CUL1: variants seen among roughly 807,000 people sequenced by gnomAD.
CUL1 encodes cullin 1.
Under a neutral mutation model 118.0 loss-of-function variants are expected in CUL1, and 24 were observed. That is an observed-to-expected ratio of 0.20 (90% CI 0.15 to 0.29). The LOEUF is 0.29. Ranked by LOEUF, CUL1 falls within the 10% of genes least tolerant of loss-of-function variation. The pLI, the probability that CUL1 is intolerant of heterozygous loss-of-function variation, is 1.00. For synonymous variants in CUL1, 332 were observed against 340.4 expected, an observed-to-expected ratio of 0.98 and a Z score of 0.27; for missense variants, 361 against 933.8, an observed-to-expected ratio of 0.39 and a Z score of 7.99.
At chr7:148,747,952 G>A (rs982966959) in intron 2 of CUL1, among the ~76,000 whole-genome samples, 1 of 152,200 alleles carries the variant, frequency 6.6e-6, no homozygotes. Context: ...AGAGCTAGGA[G>A]AAAATAGAAA....
chr7:148,716,840 A>C (rs1798229979), intron 1 of CUL1, among the ~76,000 whole-genome samples: 1 of 152,118 alleles, frequency 6.6e-6, no homozygotes. Context: ...TTTGGGGCTG[A>C]TTTCAAGTCT....
At chr7:148,740,671 A>G (rs1799113792) in intron 2 of CUL1, among the ~76,000 whole-genome samples, 1 of 152,156 alleles carries the variant, frequency 6.6e-6, no homozygotes. Flanking sequence ...CCCCCAGTAT[A>G]TTTGGATGGT....
At chr7:148,750,146 A>G (rs928444097) in intron 2 of CUL1, among the ~76,000 whole-genome samples, 3 of 152,256 alleles carry the variant, frequency 2.0e-5, no homozygotes, top group African/African-American at 7.2e-5. Flanking sequence ...ATCTTTTATA[A>G]CAGTAGTGCA....
At position 148,797,797 on chromosome 7, in the gene CUL1, T is replaced by C. The variant is rs1801257601; in HGVS notation, c.1900-15T>C. 1.2e-6 allele frequency: 2 copies of C among 1,610,622 alleles called. No homozygotes were observed. Among genetic ancestry groups the C allele is most frequent in the African/African-American group, 2.7e-5 (2 of 74,798 alleles). ...CATTTTCCCTTTAACTTCCTCTTTT[T>C]CTCTTTAATTGCAGGACATTTTGGC... On this transcript the variant is annotated splice_polypyrimidine_tract_variant and intron_variant, in intron 17 of 21. Transcript: ENST00000325222.
chr7:148,778,103 A>AAAAAAAAAAAG (rs1563166664), intron 9 of CUL1, among the ~76,000 whole-genome samples: 1 of 147,512 alleles, frequency 6.8e-6, no homozygotes, highest in Non-Finnish European at 1.5e-5. Flanking sequence ...AAAAAGAAGA[A>AAAAAAAAAAAG]GAAGAAGAAT....
chr7:148,787,792 C>G lies in CUL1; in HGVS notation c.1479+672C>G, dbSNP rs1203253180. ...GTTTGCTCTGGGCTTGGTTACTTTG[C>G]TGTCACGCAGCCCTTCCTCTGCCAC... On this transcript the variant is annotated intron_variant, in intron 13 of 21. Transcript: ENST00000325222. This position sits in a 1 kb window ranked among gnomAD's most constrained non-coding sequence, Gnocchi z 5.5. Among the ~76,000 whole-genome samples, 1 of 152,218 alleles carries G rather than the reference C, an allele frequency of 6.6e-6. No homozygotes were observed. Among genetic ancestry groups the G allele is most frequent in the African/African-American group, 2.4e-5 (1 of 41,456 alleles).
In CUL1 at chr7:148,786,592, A is replaced by G. The variant is rs1800822337; in HGVS notation, c.1340A>G (p.Asn447Ser). The G allele has an allele frequency of 1.2e-6, 2 of 1,613,632 alleles. No individual in the cohort carries two copies. Among genetic ancestry groups the G allele is most frequent in the East Asian group, 2.2e-5 (1 of 44,868 alleles). The change falls in exon 12 of 22, where the codon AAT becomes AGT. Residue 447 changes from asparagine (N) to serine (S), a missense_variant. Physicochemically the swap from Asn to Ser is conservative, Grantham distance 46. This residue lies in a region of CUL1 where 169 missense variants were observed against 429.7 expected (regional missense o/e 0.39). Transcript: ENST00000325222. ...PEEAELEDTL[N>S]QVMVVFKYIE... is the part of the protein sequence containing the mutation. ...GAGGCAGAACTAGAAGACACACTCA[A>G]TCAAGTGGTAAGTGCTTCATGAGCA...
intron 13 of CUL1, among the ~76,000 whole-genome samples, chr7:148,788,142 G>GAGGC (rs1800883143): frequency 6.6e-6 from 1 of 152,186 alleles, no homozygotes; most frequent in Admixed American, 6.6e-5. Flanking sequence ...ATCCCATTGT[G>GAGGC]AGGCCCCATG....
chr7:148,727,045 G>A (rs1394075383), intron 1 of CUL1, among the ~76,000 whole-genome samples: 4 of 151,994 alleles, frequency 2.6e-5, no homozygotes, highest in African/African-American at 7.3e-5. Flanking sequence ...GCTTTATTCC[G>A]TCACTGTAGC....
Position 148,784,000 on chromosome 7 carries a change from G to T in CUL1, c.1221G>T (p.Ala407=), listed in dbSNP as rs115991100. Residue 407 remains alanine, a synonymous_variant, in exon 11 of 22, where the codon GCG becomes GCT. Coordinates refer to ENST00000325222, the MANE Select transcript of CUL1 (RefSeq NM_003592.3). ...KACGRFINNN[A]VTKMAQSSSK... The stretch of plus-strand genomic sequence containing the variant: ...GTGGTCGCTTCATAAACAACAACGC[G>T]GTTACCAAGATGGCCCAATCATCCA... The T allele has an allele frequency of 1.9e-6, 3 of 1,614,084 alleles. No homozygotes were observed. Among genetic ancestry groups the T allele is most frequent in the African/African-American group, 2.7e-5 (2 of 75,004 alleles).
intron 7 of CUL1, among the ~76,000 whole-genome samples, chr7:148,763,967 C>G (rs1285058142): frequency 6.6e-6 from 1 of 152,160 alleles, no homozygotes; most frequent in Non-Finnish European, 1.5e-5. Context: ...GAATATTTGG[C>G]TTGTCTTTCC....
At chr7:148,769,419 A>G (rs1800130210) in intron 9 of CUL1, among the ~76,000 whole-genome samples, 1 of 150,302 alleles carries the variant, frequency 6.7e-6, no homozygotes, top group Admixed American at 6.6e-5. Flanking sequence ...ACACACACAC[A>G]CACACACACA....
At chr7:148,795,590 C>T (rs1378400835) in intron 17 of CUL1, among the ~76,000 whole-genome samples, 1 of 151,910 alleles carries the variant, frequency 6.6e-6, no homozygotes, top group Non-Finnish European at 1.5e-5. Context: ...CATGGTGAAA[C>T]CCAGTCTCTA....
In CUL1 at chr7:148,784,000, G is replaced by A. The variant is rs115991100; in HGVS notation, c.1221G>A (p.Ala407=). 392 of 1,614,084 alleles carry A rather than the reference G, an allele frequency of 2.4e-4. No individual in the cohort carries two copies. In the African/African-American group the frequency reaches 4.6e-3, roughly 19 times the overall value. ...GTGGTCGCTTCATAAACAACAACGC[G>A]GTTACCAAGATGGCCCAATCATCCA... ...KACGRFINNN[A]VTKMAQSSSK... Residue 407 remains alanine, a synonymous_variant, in exon 11 of 22, where the codon GCG becomes GCA. Transcript: ENST00000325222.
chr7:148,791,249 GTC>G (rs1438460700), intron 16 of CUL1, among the ~76,000 whole-genome samples: 31 of 152,266 alleles, frequency 2.0e-4, no homozygotes, highest in African/African-American at 7.2e-4. Context: ...GCATATTTTA[GTC>G]TCTGAGAAGT....
chr7:148,734,277 C>T (rs1483808941), intron 2 of CUL1, among the ~76,000 whole-genome samples: 1 of 152,164 alleles, frequency 6.6e-6, no homozygotes, highest in African/African-American at 2.4e-5. Flanking sequence ...GACAGAGTCT[C>T]ACTCTGTCAA....
At chr7:148,747,148 A>C (rs1425910890) in intron 2 of CUL1, among the ~76,000 whole-genome samples, 1 of 152,134 alleles carries the variant, frequency 6.6e-6, no homozygotes, top group African/African-American at 2.4e-5. Flanking sequence ...AATTGTGTAC[A>C]CTCTTAAGCA....
chr7:148,768,821 G>A (rs1800102872), intron 9 of CUL1, among the ~76,000 whole-genome samples: 1 of 151,802 alleles, frequency 6.6e-6, no homozygotes, highest in African/African-American at 2.4e-5. Flanking sequence ...TTATTTTTCT[G>A]TTATCTTTTG....
intron 4 of CUL1, among the ~76,000 whole-genome samples, chr7:148,757,530 T>C (rs2129460460): frequency 6.6e-6 from 1 of 152,318 alleles, no homozygotes; most frequent in Non-Finnish European, 1.5e-5. Flanking sequence ...AGCCCTCCCA[T>C]GCTTTAGAGT....
Sources: allele counts gnomAD v4.1 joint callset (sites outside exome capture counted in the v4.1 genomes callset), GRCh38; gene constraint gnomAD v4.1.1; regional missense constraint gnomAD v4.1.1; non-coding constraint Gnocchi (gnomAD v3.1); transcripts MANE v1.5; gene names NCBI Gene and HGNC (gene_info 2026-07-23, HGNC 2026-07-21).